Variants in FARP1 observed in about 807,000 individuals in gnomAD.
FARP1 encodes the protein FERM, ARH/RhoGEF and pleckstrin domain protein 1, also known as FERM, ARHGEF and pleckstrin domain-containing protein 1.
A neutral mutation model predicts 128.8 loss-of-function variants in FARP1; 52 were observed. The ratio of observed to expected loss-of-function variants is 0.40; its 90% CI spans 0.32 to 0.51. FARP1 has a LOEUF of 0.51. FARP1 is among the 20% of genes least tolerant of loss of function. FARP1 has a pLI of 0.45. For missense variants in FARP1, 1,333 were observed against 1,367.9 expected, an observed-to-expected ratio of 0.97 and a Z score of 0.40; for synonymous variants, 580 against 551.8, an observed-to-expected ratio of 1.05 and a Z score of -0.72.
intron 2 of FARP1, among the ~76,000 whole-genome samples, chr13:98,236,949 G>T (rs550405239): frequency 1.3e-5 from 2 of 152,108 alleles, no homozygotes; most frequent in Non-Finnish European, 2.9e-5. Context: ...CCAAGACTGC[G>T]CCATTGCACT....
chr13:98,237,218 C>G (rs1245657607), intron 2 of FARP1, among the ~76,000 whole-genome samples: 2 of 151,606 alleles, frequency 1.3e-5, no homozygotes, highest in Non-Finnish European at 2.9e-5. Context: ...GCAGGAGAAT[C>G]GCTTGAACCT....
chr13:98,280,384 C>G (rs1220721299), intron 2 of FARP1, among the ~76,000 whole-genome samples: 1 of 152,098 alleles, frequency 6.6e-6, no homozygotes, highest in Non-Finnish European at 1.5e-5. Context: ...GCTCTCATGC[C>G]TTCCTGAGCA....
chr13:98,246,784 GCTTT>G (rs1883091747), intron 2 of FARP1, among the ~76,000 whole-genome samples: 1 of 152,190 alleles, frequency 6.6e-6, no homozygotes, highest in Non-Finnish European at 1.5e-5. Context: ...CTTTGTCAGA[GCTTT>G]CTACCCAGAG....
chr13:98,283,755 A>G (rs1434217557), intron 2 of FARP1, among the ~76,000 whole-genome samples: 1 of 152,234 alleles, frequency 6.6e-6, no homozygotes, highest in African/African-American at 2.4e-5. Flanking sequence ...GCAGATGAAG[A>G]TAATTACTTA....
chr13:98,260,640 C>G (rs145521143), intron 2 of FARP1, among the ~76,000 whole-genome samples: 1 of 152,318 alleles, frequency 6.6e-6, no homozygotes, highest in East Asian at 1.9e-4. Context: ...ACTCTACTTG[C>G]TTTTTGGTCC....
At chr13:98,261,747 T>C (rs1005115342) in intron 2 of FARP1, among the ~76,000 whole-genome samples, 3 of 152,164 alleles carry the variant, frequency 2.0e-5, no homozygotes, top group African/African-American at 7.2e-5. Flanking sequence ...TTCGAATTTC[T>C]CTGTACAGAT....
At chr13:98,365,517 G>A (rs1323561027) in intron 4 of FARP1, 80 bp downstream of exon 4, 3 of 1,000,212 alleles carry the variant, frequency 3.0e-6, no homozygotes, top group Non-Finnish European at 4.6e-6. Context: ...CTTGCCCTGT[G>A]GCATGAAGCA....
intron 2 of FARP1, among the ~76,000 whole-genome samples, chr13:98,220,538 A>T (rs979613574): frequency 1.3e-5 from 2 of 152,192 alleles, no homozygotes; most frequent in African/African-American, 4.8e-5. Flanking sequence ...ATTTAAGGCT[A>T]CTTTGCTTGG....
chr13:98,287,208 C>T lies in FARP1; in HGVS notation c.172-56554C>T, dbSNP rs1036724021. On this transcript the variant is annotated intron_variant, in intron 2 of 26. Transcript: ENST00000319562. ...TTTCCAAATTAACCATCAGACATGT[C>T]TTTTTTTTTTTTTTTTTTTTTTTTT... is the stretch of plus-strand genomic sequence containing the variant. 2.5e-3 allele frequency among the ~76,000 whole-genome samples: 190 copies of T among 75,834 alleles called. 2 individuals carry two copies. Among genetic ancestry groups the T allele is most frequent in the Non-Finnish European group, 3.2e-3 (133 of 42,108 alleles). The allele number at this position is 75,834 out of a possible 152,430, so 49.8% of individuals were successfully genotyped here. A position where few individuals can be genotyped will look rare whatever the true frequency, so the allele number is the denominator to read the frequency against.
At chr13:98,436,472 C>T (rs112755857) in intron 19 of FARP1, among the ~76,000 whole-genome samples, 24 of 152,248 alleles carry the variant, frequency 1.6e-4, no homozygotes, top group African/African-American at 4.3e-4. Context: ...AATGCTACGT[C>T]ACCCAGGTCG....
chr13:98,261,624 TTGAC>T (rs1883886866), intron 2 of FARP1, among the ~76,000 whole-genome samples: 1 of 151,952 alleles, frequency 6.6e-6, no homozygotes, highest in Non-Finnish European at 1.5e-5. Flanking sequence ...AGGAAGAACA[TTGAC>T]TGATGTTTGT....
chr13:98,165,710 G>GTTTTTTTTT (rs71111927), intron 1 of FARP1, among the ~76,000 whole-genome samples: 21 of 74,130 alleles, frequency 2.8e-4, no homozygotes, highest in South Asian at 5.7e-4. Flanking sequence ...TCCAGAAGGG[G>GTTTTTTTTT]TTTTTTTTTT....
chr13:98,165,710 G>GTTTTTTTTTTTTTTTTT (rs71111927), intron 1 of FARP1, among the ~76,000 whole-genome samples: 9 of 74,134 alleles, frequency 1.2e-4, no homozygotes, highest in Non-Finnish European at 1.4e-4. Flanking sequence ...TCCAGAAGGG[G>GTTTTTTTTTTTTTTTTT]TTTTTTTTTT....
chr13:98,183,960 C>A (rs1469131002), intron 1 of FARP1, among the ~76,000 whole-genome samples: 37 of 152,090 alleles, frequency 2.4e-4, no homozygotes, highest in Admixed American at 2.4e-3. Context: ...CTTTCTTCAC[C>A]CTCACTTTCC....
At chr13:98,177,295 T>A in intron 1 of FARP1, 6 of 1,372,858 alleles carry the variant, frequency 4.4e-6, no homozygotes, top group East Asian at 2.3e-5. Context: ...CGCCCTTGCG[T>A]CGCTGCACGT....
chr13:98,245,440 CTAAG>C (rs1431372757), intron 2 of FARP1: 18 of 612,590 alleles, frequency 2.9e-5, no homozygotes, highest in Non-Finnish European at 3.5e-5. Context: ...ACTGCAGCAA[CTAAG>C]TAATACGAAG....
At chr13:98,148,154 G>A (rs1875712591) in intron 1 of FARP1, among the ~76,000 whole-genome samples, 1 of 152,150 alleles carries the variant, frequency 6.6e-6, no homozygotes, top group Admixed American at 6.5e-5. Flanking sequence ...CAAGGCGGGC[G>A]AATCATCTGA....
intron 3 of FARP1, among the ~76,000 whole-genome samples, chr13:98,348,446 C>T (rs114720346): frequency 0.016 from 2,488 of 152,332 alleles, 68 homozygotes; most frequent in African/African-American, 0.057. Flanking sequence ...CATTAGATGG[C>T]CATGGGGGCG....
At chr13:98,371,341 A>G (rs1594455908) in intron 5 of FARP1, among the ~76,000 whole-genome samples, 2 of 151,222 alleles carry the variant, frequency 1.3e-5, no homozygotes, top group Middle Eastern at 3.4e-3. Context: ...CTGAAACTCC[A>G]TACAGCTGGT....
Sources: allele counts gnomAD v4.1 joint callset (sites outside exome capture counted in the v4.1 genomes callset), GRCh38; gene constraint gnomAD v4.1.1; transcripts MANE v1.5; gene names NCBI Gene and HGNC (gene_info 2026-07-23, HGNC 2026-07-21).